The following CNTN5 variants were observed in gnomAD, a reference collection of about 807,000 sequenced individuals.
CNTN5 encodes contactin-5.
CNTN5 carries 77 observed loss-of-function variants against 129.1 expected under a neutral mutation model. The ratio of observed to expected loss-of-function variants is 0.60; its 90% CI spans 0.50 to 0.72. The LOEUF is 0.72. Ranked by LOEUF, CNTN5 falls within the 30% of genes least tolerant of loss-of-function variation. The pLI is 0.00. For missense variants in CNTN5, 1,478 were observed against 1,328.8 expected, an observed-to-expected ratio of 1.11 and a Z score of -1.75; for synonymous variants, 509 against 465.6, an observed-to-expected ratio of 1.09 and a Z score of -1.20.
At chr11:99,037,576 C>CTTTTTTTTTTTT (rs1161467398) in intron 1 of CNTN5, among the ~76,000 whole-genome samples, 57 of 105,550 alleles carry the variant, frequency 5.4e-4, no homozygotes, top group Non-Finnish European at 7.2e-4. Flanking sequence ...TTTTTCTTTT[C>CTTTTTTTTTTTT]TTTTTTTTTT....
intron 6 of CNTN5, among the ~76,000 whole-genome samples, chr11:99,893,165 C>T (rs887471457): frequency 6.6e-6 from 1 of 152,044 alleles, no homozygotes; most frequent in Non-Finnish European, 1.5e-5. Context: ...ATGAAAATGC[C>T]TTTACATCAA....
chr11:99,714,037 G>A (rs1955115799), intron 3 of CNTN5, among the ~76,000 whole-genome samples: 1 of 151,768 alleles, frequency 6.6e-6, no homozygotes, highest in African/African-American at 2.4e-5. Context: ...ATAGCTCTTT[G>A]GGGACTTGTT....
chr11:99,805,549 A>G (rs958273791), intron 3 of CNTN5, among the ~76,000 whole-genome samples: 4 of 152,144 alleles, frequency 2.6e-5, no homozygotes, highest in Non-Finnish European at 4.4e-5. Context: ...TGCAATCACT[A>G]CTCATTAGGG....
intron 6 of CNTN5, among the ~76,000 whole-genome samples, chr11:99,905,710 A>C (rs1434347399): frequency 6.6e-6 from 1 of 152,162 alleles, no homozygotes; most frequent in Non-Finnish European, 1.5e-5. Context: ...GATATCATTG[A>C]ATCTACACAT....
chr11:100,069,000 C>T (rs1336087840), intron 10 of CNTN5, among the ~76,000 whole-genome samples: 8 of 152,112 alleles, frequency 5.3e-5, no homozygotes, highest in African/African-American at 1.4e-4. Context: ...GAATTTGGCT[C>T]AGTGTCTAGG....
chr11:100,249,621 G>A (rs1236081957), intron 16 of CNTN5, among the ~76,000 whole-genome samples: 1 of 152,120 alleles, frequency 6.6e-6, no homozygotes, highest in Non-Finnish European at 1.5e-5. Flanking sequence ...TGGCATTTGT[G>A]TATCATCTGG....
chr11:99,102,112 C>A (rs572974784), intron 1 of CNTN5, among the ~76,000 whole-genome samples: 17 of 152,286 alleles, frequency 1.1e-4, no homozygotes, highest in African/African-American at 3.8e-4. Flanking sequence ...TCTGAAGACA[C>A]AATCTGAGCT....
At chr11:99,985,071 C>G (rs1231695216) in intron 8 of CNTN5, among the ~76,000 whole-genome samples, 1 of 152,136 alleles carries the variant, frequency 6.6e-6, no homozygotes, top group South Asian at 2.1e-4. Context: ...GACTTCTTCG[C>G]TCCACTACCC....
intron 2 of CNTN5, among the ~76,000 whole-genome samples, chr11:99,388,447 C>T (rs1031222994): frequency 6.8e-6 from 1 of 146,170 alleles, no homozygotes; most frequent in African/African-American, 2.5e-5. Context: ...TTTCACAGCT[C>T]CTGTATTTCT....
chr11:100,147,881 T>C (rs1412548131), intron 13 of CNTN5, among the ~76,000 whole-genome samples: 1 of 152,184 alleles, frequency 6.6e-6, no homozygotes, highest in Non-Finnish European at 1.5e-5. Flanking sequence ...TGATGACATT[T>C]ACGTCTTCAT....
At chr11:99,692,544 A>G (rs1954082050) in intron 3 of CNTN5, among the ~76,000 whole-genome samples, 1 of 152,050 alleles carries the variant, frequency 6.6e-6, no homozygotes, top group African/African-American at 2.4e-5. Flanking sequence ...TTCTTTAATA[A>G]TATTGAATAT....
intron 2 of CNTN5, among the ~76,000 whole-genome samples, chr11:99,517,115 A>G (rs1012421192): frequency 6.6e-6 from 1 of 152,104 alleles, no homozygotes. Context: ...CACCCTATAG[A>G]CAGGTTTTAT....
At position 99,237,183 on chromosome 11, in the gene CNTN5, CT is replaced by C. The variant is rs551908459; in HGVS notation, c.-209-88156del. Among the ~76,000 whole-genome samples, 237 of 151,988 alleles carry C rather than the reference CT, an allele frequency of 1.6e-3. 2 individuals carry two copies. The highest frequency in any genetic ancestry group is 5.6e-3 in the African/African-American group (234 of 41,480). On this transcript the variant is annotated intron_variant, in intron 1 of 24. Coordinates refer to ENST00000524871, the MANE Select transcript of CNTN5 (RefSeq NM_014361.4). ...AAACATTGAAAAATATATATCTACT[CT>C]TTTTTTATATTTTCTTTTGTTCATT...
intron 1 of CNTN5, among the ~76,000 whole-genome samples, chr11:99,279,650 C>G (rs1432281140): frequency 6.6e-6 from 1 of 151,516 alleles, no homozygotes; most frequent in African/African-American, 2.4e-5. Context: ...TATTTTTATA[C>G]TTCAGTAAAC....
At chr11:100,109,813 G>C (rs1278286014) in intron 13 of CNTN5, among the ~76,000 whole-genome samples, 1 of 152,098 alleles carries the variant, frequency 6.6e-6, no homozygotes, top group Non-Finnish European at 1.5e-5. Flanking sequence ...GGAATGTAAG[G>C]CATTCATTTC....
intron 18 of CNTN5, among the ~76,000 whole-genome samples, chr11:100,291,500 T>C (rs1950969759): frequency 6.8e-6 from 1 of 146,042 alleles, no homozygotes; most frequent in Non-Finnish European, 1.5e-5. Context: ...CAGTAAACTA[T>C]CGCAAGAACA....
chr11:99,647,957 A>T (rs529337249), intron 3 of CNTN5, among the ~76,000 whole-genome samples: 1 of 151,924 alleles, frequency 6.6e-6, no homozygotes, highest in East Asian at 1.9e-4. Flanking sequence ...TCTATATATA[A>T]GATCACATGG....
Position 100,332,003 on chromosome 11 carries a change from T to G in CNTN5, c.2731-8460T>G, listed in dbSNP as rs147062063. On this transcript the variant is annotated intron_variant, in intron 21 of 24. Coordinates refer to ENST00000524871, the MANE Select transcript of CNTN5 (RefSeq NM_014361.4). Reference sequence around the variant, plus strand: ...AACAAAGAGGAGAACTAAATAAAATTGAAACAAAAAAAGAAAAATACAAAA... The same window carrying G: ...AACAAAGAGGAGAACTAAATAAAATGGAAACAAAAAAAGAAAAATACAAAA... Among the ~76,000 whole-genome samples, 873 of 151,276 alleles carry G rather than the reference T, an allele frequency of 5.8e-3. 4 individuals are homozygous for G. The highest frequency in any genetic ancestry group is 0.013 in the Admixed American group (194 of 15,222).
intron 2 of CNTN5, among the ~76,000 whole-genome samples, chr11:99,347,350 A>G (rs1453367386): frequency 2.6e-5 from 4 of 152,184 alleles, no homozygotes; most frequent in Non-Finnish European, 5.9e-5. Context: ...GTGTTATAAA[A>G]CTTCCAAACA....
Sources: allele counts gnomAD v4.1 joint callset (sites outside exome capture counted in the v4.1 genomes callset), GRCh38; gene constraint gnomAD v4.1.1; transcripts MANE v1.5; gene names NCBI Gene and HGNC (gene_info 2026-07-23, HGNC 2026-07-21).